The following ABCA8 variants were observed in gnomAD, a reference collection of about 807,000 sequenced individuals.
ABCA8 encodes the protein ABC-type organic anion transporter ABCA8.
A neutral mutation model predicts 192.3 loss-of-function variants in ABCA8; 177 were observed. That is an observed-to-expected ratio of 0.92 (90% CI 0.81 to 1.04). The LOEUF (loss-of-function observed/expected upper bound fraction) is 1.04. Ranked by LOEUF, ABCA8 falls within the 50% of genes least tolerant of loss-of-function variation. ABCA8 has a pLI of 0.00. For missense variants in ABCA8, 1,915 were observed against 1,904.8 expected (o/e 1.01, Z -0.10); for synonymous variants, 642 against 690.2 (o/e 0.93, Z 1.09).
rs73357313 is a variant in ABCA8, at chr17:68,902,978, A to G, written c.2598-99T>C. 8.4e-3 allele frequency: 8,500 copies of G among 1,016,236 alleles called. 470 individuals are homozygous for G. In the African/African-American group the frequency reaches 0.12, roughly 14 times the overall value. 63.0% of individuals were successfully genotyped at this position (1,016,236 alleles called of 1,614,324 possible). On this transcript the variant is annotated intron_variant, in intron 20 of 39. Transcript: ENST00000586539. ...GTAATGGGATAAAGAAATTATAAAA[A>G]TTAAACACAATTAACTGTCACATTT... is the stretch of plus-strand genomic sequence containing the variant.
intron 2 of ABCA8, among the ~76,000 whole-genome samples, chr17:68,943,308 G>C (rs960142482): frequency 3.3e-5 from 5 of 152,022 alleles, no homozygotes; most frequent in South Asian, 2.1e-4. Context: ...TTATTATGCA[G>C]AGTCATCAGG....
At chr17:68,903,797 C>G (rs1002042690) in intron 19 of ABCA8, among the ~76,000 whole-genome samples, 1 of 152,106 alleles carries the variant, frequency 6.6e-6, no homozygotes, top group African/African-American at 2.4e-5. Context: ...AAACAAATAT[C>G]TTACATGTTC....
chr17:68,920,973 G>C (rs868687533), intron 13 of ABCA8, among the ~76,000 whole-genome samples: 28 of 152,262 alleles, frequency 1.8e-4, no homozygotes, highest in African/African-American at 6.0e-4. Flanking sequence ...ATGATAGACT[G>C]GATTAAGAAA....
Position 68,903,439 on chromosome 17 carries a change from T to G in ABCA8, c.2459A>C (p.Glu820Ala), listed in dbSNP as rs1399997387. 1 of 1,614,052 alleles carries G rather than the reference T, an allele frequency of 6.2e-7. No homozygotes were observed. Among genetic ancestry groups the G allele is most frequent in the Non-Finnish European group, 8.5e-7 (1 of 1,180,036 alleles). Residue 820 changes from glutamate (E) to alanine (A), a missense_variant, in exon 20 of 40, where the codon GAG becomes GCG. By Grantham distance (107) the Glu-to-Ala change is moderately radical. Coordinates refer to ENST00000586539, the MANE Select transcript of ABCA8 (RefSeq NM_001288985.2). ...AAGTGAAGAGAGGACTTGTTCCATC[T>G]CAACAAGCCTTTCAGTGTCGTCAGC... ...EKADDTERLV[E>A]MEQVLSSLNK... is the part of the protein sequence containing the mutation.
chr17:68,936,263 C>G (rs1461307712), intron 5 of ABCA8, among the ~76,000 whole-genome samples: 1 of 151,912 alleles, frequency 6.6e-6, no homozygotes, highest in African/African-American at 2.4e-5. Context: ...AGCCCAATGT[C>G]CAGAAGAGGT....
chr17:68,927,567 C>T (rs1567868798), intron 10 of ABCA8, among the ~76,000 whole-genome samples: 2 of 151,950 alleles, frequency 1.3e-5, no homozygotes, highest in African/African-American at 4.8e-5. Flanking sequence ...AGCTCAGAAC[C>T]ATCGAGCTAA....
intron 1 of ABCA8, among the ~76,000 whole-genome samples, chr17:68,950,540 T>G (rs2068541478): frequency 6.6e-6 from 1 of 152,216 alleles, no homozygotes; most frequent in Admixed American, 6.5e-5. Context: ...TTTTTAAGCT[T>G]CTTTTTATTT....
intron 30 of ABCA8, among the ~76,000 whole-genome samples, chr17:68,882,344 C>T (rs1010787536): frequency 6.6e-5 from 10 of 152,246 alleles, no homozygotes; most frequent in East Asian, 1.9e-4. Context: ...CTTTCTCCAA[C>T]AAGCAATGAT....
chr17:68,908,804 A>C (rs2067159570), intron 17 of ABCA8, among the ~76,000 whole-genome samples: 1 of 152,220 alleles, frequency 6.6e-6, no homozygotes, highest in Non-Finnish European at 1.5e-5. Flanking sequence ...AGCATCTGGA[A>C]CGTGTTATTT....
chr17:68,901,274 C>CTAGA (rs149535251), intron 21 of ABCA8, among the ~76,000 whole-genome samples: 17 of 151,830 alleles, frequency 1.1e-4, no homozygotes, highest in Admixed American at 1.0e-3. Context: ...GAATTTTTAT[C>CTAGA]ATAACACTTA....
intron 21 of ABCA8, among the ~76,000 whole-genome samples, chr17:68,896,723 G>A (rs2066770220): frequency 6.6e-6 from 1 of 152,048 alleles, no homozygotes; most frequent in African/African-American, 2.4e-5. Flanking sequence ...CTGGCAATTT[G>A]GATATGTCAA....
At chr17:68,933,348 A>G (rs2067964681) in intron 5 of ABCA8, 77 bp from the exon 6 acceptor site, 2 of 929,318 alleles carry the variant, frequency 2.2e-6, no homozygotes. Flanking sequence ...TACTGATTAT[A>G]GCAAACAGTG....
At chr17:68,918,953 AAAG>A (rs1160469928) in intron 14 of ABCA8, among the ~76,000 whole-genome samples, 1 of 151,348 alleles carries the variant, frequency 6.6e-6, no homozygotes, top group Non-Finnish European at 1.5e-5. Flanking sequence ...AAAAAAAAAA[AAAG>A]AACAAACACT....
chr17:68,947,370 G>C (rs1321987860), intron 2 of ABCA8, among the ~76,000 whole-genome samples: 1 of 152,252 alleles, frequency 6.6e-6, no homozygotes, highest in East Asian at 1.9e-4. Flanking sequence ...TATTTTACTT[G>C]GGATTGTGTA....
intron 1 of ABCA8, among the ~76,000 whole-genome samples, chr17:68,951,469 G>A (rs78716357): frequency 0.019 from 2,821 of 152,168 alleles, 96 homozygotes; most frequent in African/African-American, 0.063. Flanking sequence ...TGTTTTGTAC[G>A]TATCTATTCA....
intron 12 of ABCA8, 32 bp downstream of exon 12, chr17:68,922,210 T>TACCTTTCAAGGCTTTTA: frequency 1.2e-5 from 1 of 85,102 alleles, no homozygotes; most frequent in Non-Finnish European, 2.1e-5. Flanking sequence ...TTTTTTTTTT[T>TACCTTTCAAGGCTTTTA]TTTTTTTTTT....
At chr17:68,894,418 T>C (rs904161382) in intron 22 of ABCA8, 108 bp from the exon 23 acceptor site, 5 of 992,036 alleles carry the variant, frequency 5.0e-6, no homozygotes, top group African/African-American at 3.3e-5. Flanking sequence ...TCATATGGTG[T>C]TAAATAATCA....
rs758892013 is a variant in ABCA8, at chr17:68,869,738, A to C, written c.4673T>G (p.Val1558Gly). Residue 1558 changes from valine to glycine, a missense_variant, in exon 38 of 40, where the codon GTG (valine) becomes GGG (glycine). By Grantham distance (109) the Val-to-Gly change is moderately radical. Transcript: ENST00000586539. The part of the protein sequence containing the change: ...LMVYKLPVED[V>G]QPLAQAFFKL... ...GAAGAAAGCTTGGGCTAAAGGTTGC[A>C]CATCTTCCACTGGCAACTTATAAAC... The C allele has an allele frequency of 6.2e-7, 1 of 1,613,318 alleles. No homozygotes were observed. Among genetic ancestry groups the C allele is most frequent in the Admixed American group, 1.7e-5 (1 of 59,984 alleles).
Position 68,954,074 on chromosome 17 carries a change from T to C in ABCA8, c.-167+1145A>G, listed in dbSNP as rs186448007. Among the ~76,000 whole-genome samples, 326 of 151,858 alleles carry C rather than the reference T, an allele frequency of 2.1e-3. 1 individual carries two copies. The highest frequency in any genetic ancestry group is 7.4e-3 in the African/African-American group (305 of 41,430). On this transcript the variant is annotated intron_variant, in intron 1 of 39. Coordinates refer to ENST00000586539, the MANE Select transcript of ABCA8 (RefSeq NM_001288985.2). ...ATTATACTTTAAGTTTTAGGGTACA[T>C]GTACACATTGTGCAGGTTAGTTACA...
Sources: gnomAD v4.1 joint callset for allele counts (sites outside exome capture counted in the v4.1 genomes callset) on GRCh38, gnomAD v4.1.1 for gene constraint, MANE v1.5 for transcripts, NCBI Gene and HGNC (gene_info 2026-07-23, HGNC 2026-07-21) for gene names.